CCDC102B: variants seen among roughly 807,000 people sequenced by gnomAD.
The protein encoded by CCDC102B is coiled-coil domain-containing protein 102B.
Under a neutral mutation model 57.4 loss-of-function variants are expected in CCDC102B, and 75 were observed. The observed-to-expected ratio is 1.31, with a 90% CI of 1.08 to 1.58. The LOEUF is 1.58. Ranked by LOEUF, CCDC102B falls within the 40% of genes most tolerant of loss-of-function variation. The probability of loss-of-function intolerance (pLI) is 0.00; values close to 1 mark genes in which losing one functional copy is unlikely to be tolerated. For synonymous variants in CCDC102B, 206 were observed against 201.9 expected (o/e 1.02, Z -0.17); for missense variants, 636 against 582.6 (o/e 1.09, Z -0.94).
At chr18:68,886,408 T>C (rs2039885748) in intron 5 of CCDC102B, among the ~76,000 whole-genome samples, 1 of 149,482 alleles carries the variant, frequency 6.7e-6, no homozygotes, top group Non-Finnish European at 1.5e-5. Context: ...GCCACCTATT[T>C]ATTTGGAAGA....
chr18:69,006,496 C>T (rs111744958), intron 6 of CCDC102B, among the ~76,000 whole-genome samples: 5,036 of 151,576 alleles, frequency 0.033, 296 homozygotes, highest in African/African-American at 0.11. Flanking sequence ...GATCTCGGCT[C>T]ACTGCAACCT....
At chr18:68,864,803 T>C (rs1447374945) in intron 4 of CCDC102B, among the ~76,000 whole-genome samples, 2 of 152,118 alleles carry the variant, frequency 1.3e-5, no homozygotes, top group Non-Finnish European at 2.9e-5. Context: ...TTTCTGGCTT[T>C]ACTGCTCAAG....
chr18:68,740,693 C>T lies in CCDC102B; in HGVS notation c.-67+24099C>T, dbSNP rs73967601. Among the ~76,000 whole-genome samples the T allele has an allele frequency of 5.1e-3, 778 of 152,230 alleles. 7 individuals carry two copies. The highest frequency in any genetic ancestry group is 0.018 in the African/African-American group (735 of 41,526). On this transcript the variant is annotated intron_variant, in intron 2 of 3. Transcript: ENST00000578970. ...ATGAGTAACCCAGTGCTGCCTCGGA[C>T]GGGACGGGTACATCTGTCTACAACT...
intron 4 of CCDC102B, among the ~76,000 whole-genome samples, chr18:68,849,729 T>G (rs886101288): frequency 1.9e-4 from 29 of 152,086 alleles, no homozygotes; most frequent in South Asian, 2.1e-4. Flanking sequence ...AGGCTGATGG[T>G]TCAGTGGATG....
chr18:69,053,372 T>C (rs61093887), intron 7 of CCDC102B, among the ~76,000 whole-genome samples: 7,623 of 150,876 alleles, frequency 0.051, 661 homozygotes, highest in African/African-American at 0.18. Context: ...TATGTATACA[T>C]ACACGTGTAT....
At position 68,857,170 on chromosome 18, in the gene CCDC102B, A is replaced by ATTTTT. The variant is rs1327671098; in HGVS notation, c.936+10749_936+10750insTTTTT. 5.2e-5 allele frequency among the ~76,000 whole-genome samples: 2 copies of ATTTTT among 38,610 alleles called. 1 individual carries two copies. The highest frequency in any genetic ancestry group is 7.9e-5 in the Non-Finnish European group (2 of 25,316). The allele number at this position is 38,610 out of a possible 152,430, so 25.3% of individuals were successfully genotyped here. On this transcript the variant is annotated intron_variant, in intron 4 of 7. Transcript: ENST00000360242. ...TAAATATATTTATATATTTTTATAT[A>ATTTTT]ATATATAAAAATATATTTATATATT...
At chr18:68,808,721 G>A (rs947221579) in intron 1 of CCDC102B, among the ~76,000 whole-genome samples, 4 of 151,908 alleles carry the variant, frequency 2.6e-5, no homozygotes, top group South Asian at 2.1e-4. Context: ...CTCTTGATCC[G>A]CCCACCTTGG....
chr18:68,794,919 G>A (rs772474718), upstream of CCDC102B, among the ~76,000 whole-genome samples: 11 of 151,812 alleles, frequency 7.2e-5, no homozygotes, highest in Admixed American at 5.3e-4. Flanking sequence ...TAATGGTTGT[G>A]GCCTGTGTGG....
intron 4 of CCDC102B, among the ~76,000 whole-genome samples, chr18:68,870,016 G>A (rs531791077): frequency 2.0e-4 from 30 of 152,130 alleles, no homozygotes; most frequent in African/African-American, 6.7e-4. Flanking sequence ...CAGGTTTGTC[G>A]AAGATCAGAT....
chr18:69,009,221 T>C (rs1302540259), intron 6 of CCDC102B, among the ~76,000 whole-genome samples: 1 of 152,216 alleles, frequency 6.6e-6, no homozygotes, highest in African/African-American at 2.4e-5. Flanking sequence ...GAAGACATCT[T>C]GATTTTTTTA....
chr18:68,993,543 C>T (rs1189975528), intron 6 of CCDC102B, among the ~76,000 whole-genome samples: 1 of 152,204 alleles, frequency 6.6e-6, no homozygotes, highest in Non-Finnish European at 1.5e-5. Flanking sequence ...AGTGTACTCA[C>T]AACAATATTT....
At chr18:68,837,429 G>A (rs1001313504) in intron 2 of CCDC102B, 60 bp downstream of exon 2, 100 of 1,488,086 alleles carry the variant, frequency 6.7e-5, no homozygotes, top group Non-Finnish European at 8.2e-5. Flanking sequence ...TGATGGGGAG[G>A]AAGAAGGAAG....
chr18:68,755,944 G>C (rs1356135675), intron 2 of CCDC102B, among the ~76,000 whole-genome samples: 1 of 151,400 alleles, frequency 6.6e-6, no homozygotes, highest in African/African-American at 2.4e-5. Context: ...ATATCAAACT[G>C]TAGATAAAAG....
chr18:68,816,320 A>G (rs942258178), intron 1 of CCDC102B, among the ~76,000 whole-genome samples: 10 of 152,238 alleles, frequency 6.6e-5, no homozygotes, highest in African/African-American at 2.4e-4. Context: ...CATATATTCT[A>G]ACAATAAACT....
chr18:68,847,501 C>T (rs762787967), intron 4 of CCDC102B, among the ~76,000 whole-genome samples: 3 of 151,750 alleles, frequency 2.0e-5, no homozygotes, highest in Non-Finnish European at 2.9e-5. Flanking sequence ...TTTCATAAAC[C>T]TTTATTTGAG....
At chr18:68,751,589 C>T (rs2033852862) in intron 2 of CCDC102B, among the ~76,000 whole-genome samples, 1 of 152,184 alleles carries the variant, frequency 6.6e-6, no homozygotes. Flanking sequence ...TGTTTGACCT[C>T]AGCTAGAAAC....
At chr18:68,915,884 A>G (rs539259288) in intron 6 of CCDC102B, among the ~76,000 whole-genome samples, 14 of 152,256 alleles carry the variant, frequency 9.2e-5, no homozygotes, top group African/African-American at 2.9e-4. Context: ...GTTTTTTTCT[A>G]TGACATATAG....
intron 4 of CCDC102B, among the ~76,000 whole-genome samples, chr18:68,860,482 A>G (rs1407649594): frequency 2.2e-5 from 3 of 133,812 alleles, no homozygotes; most frequent in Non-Finnish European, 4.9e-5. Flanking sequence ...AAACAAAAAA[A>G]AAAAAAGACA....
In CCDC102B at chr18:69,054,051, A is replaced by T; in HGVS notation, c.1456A>T (p.Ile486Phe). Residue 486 changes from isoleucine (I) to phenylalanine (F), a missense_variant, in exon 8 of 8, where the codon ATC becomes TTC. Physicochemically the swap from Ile to Phe is conservative, Grantham distance 21 (BLOSUM62 0). Coordinates refer to ENST00000360242, the MANE Select transcript of CCDC102B (RefSeq NM_024781.3). The part of the protein sequence containing the change: ...EDELDDSLNQ[I>F]RKLQRSLDEE... Reference sequence around the variant, plus strand: ...TCAGCTTGATGATTCCCTGAATCAGATCCGTAAGCTCCAGAGGTCTCTGGA... The same window carrying T: ...TCAGCTTGATGATTCCCTGAATCAGTTCCGTAAGCTCCAGAGGTCTCTGGA... 6.2e-7 allele frequency: 1 copy of T among 1,606,374 alleles called. No homozygotes were observed. The highest frequency in any genetic ancestry group is 8.5e-7 in the Non-Finnish European group (1 of 1,177,862).
Sources: gnomAD v4.1 joint callset for allele counts (sites outside exome capture counted in the v4.1 genomes callset) on GRCh38, gnomAD v4.1.1 for gene constraint, MANE v1.5 for transcripts, NCBI Gene and HGNC (gene_info 2026-07-23, HGNC 2026-07-21) for gene names.